The following NAF1 variants were observed in gnomAD, a reference collection of about 807,000 sequenced individuals.
NAF1 encodes nuclear assembly factor 1 ribonucleoprotein.
NAF1 carries 11 observed loss-of-function variants against 40.6 expected under a neutral mutation model. The observed-to-expected ratio is 0.27, with a 90% CI of 0.17 to 0.45. NAF1 has a LOEUF of 0.45. Ranked by LOEUF, NAF1 falls within the 20% of genes least tolerant of loss-of-function variation. NAF1 has a pLI of 1.00. For synonymous variants in NAF1, 260 were observed against 228.5 expected (o/e 1.14, Z -1.24); for missense variants, 607 against 611.1 (o/e 0.99, Z 0.07).
rs1730751955 is a variant in NAF1, at chr4:163,128,920, A to G, written c.1462T>C (p.Ser488Pro). Residue 488 changes from serine to proline, a missense_variant, in exon 8 of 8, where the codon TCT (serine) becomes CCT (proline). Around this residue, in one of 3 missense-constraint regions of NAF1, gnomAD observed 189 missense variants for 216.6 expected, o/e 0.87. Transcript: ENST00000274054. ...ACCTAATAGTAAGGTCCAAAATGAG[A>G]ATTACTATCTCCAGAAGAGGGTGGA... ...PPPPSSGDSNSHFGPYY is the reference protein window; with the variant it reads ...PPPPSSGDSNPHFGPYY The G allele has an allele frequency of 1.3e-6, 2 of 1,505,038 alleles. No individual in the cohort carries two copies. The highest frequency in any genetic ancestry group is 1.8e-6 in the Non-Finnish European group (2 of 1,118,822). The allele number at this position is 1,505,038 out of a possible 1,614,324, so 93.2% of individuals were successfully genotyped here.
chr4:163,114,206 G>C (rs1730255044), intron 2 of NAF1, among the ~76,000 whole-genome samples: 1 of 152,200 alleles, frequency 6.6e-6, no homozygotes, highest in African/African-American at 2.4e-5. Flanking sequence ...CCACAGAGGG[G>C]ATTTGTGGAG....
At chr4:163,106,266 T>A (rs530455710), downstream of NAF1, among the ~76,000 whole-genome samples, 2 of 152,180 alleles carry the variant, frequency 1.3e-5, no homozygotes, top group Non-Finnish European at 2.9e-5. Context: ...AATTTGATTT[T>A]GTAAATTAAA....
intron 2 of NAF1, among the ~76,000 whole-genome samples, chr4:163,158,607 T>G (rs1732086643): frequency 6.6e-6 from 1 of 151,208 alleles, no homozygotes. Context: ...ATGAATACAT[T>G]ATTATCCTGT....
At chr4:163,104,783 C>A in the NAF1 span, among the ~76,000 whole-genome samples, 46 of 152,324 alleles carry the variant, frequency 3.0e-4, no homozygotes, top group Non-Finnish European at 5.9e-4. Flanking sequence ...AATCTTTCCA[C>A]TTTCAATGTT....
At chr4:163,153,390 T>C (rs901469425) in intron 2 of NAF1, among the ~76,000 whole-genome samples, 24 of 152,326 alleles carry the variant, frequency 1.6e-4, no homozygotes, top group African/African-American at 5.8e-4. Flanking sequence ...ACCCTGTGTT[T>C]AGCTCAAGGT....
At chr4:163,163,198 A>G (rs996207123) in intron 2 of NAF1, among the ~76,000 whole-genome samples, 3 of 152,182 alleles carry the variant, frequency 2.0e-5, no homozygotes, top group East Asian at 3.9e-4. Context: ...AAATATTAAC[A>G]TATCTGTAGC....
chr4:163,115,375 A>AT (rs1367135086), intron 2 of NAF1, among the ~76,000 whole-genome samples: 1 of 151,554 alleles, frequency 6.6e-6, no homozygotes, highest in Admixed American at 6.6e-5. Flanking sequence ...CGCCAGGCTA[A>AT]TTTTTTGTAT....
chr4:163,149,233 TCTAA>T (rs1247833720), intron 2 of NAF1, among the ~76,000 whole-genome samples: 2 of 152,140 alleles, frequency 1.3e-5, no homozygotes, highest in Non-Finnish European at 2.9e-5. Flanking sequence ...TGCCAAATGA[TCTAA>T]CTCTCAGAAG....
downstream of NAF1, among the ~76,000 whole-genome samples, chr4:163,123,274 C>G (rs1002163399): frequency 6.6e-6 from 1 of 152,176 alleles, no homozygotes; most frequent in Non-Finnish European, 1.5e-5. Context: ...ATGGGGACAG[C>G]ACCAAACCAT....
At chr4:163,155,969 A>ACCT (rs1268470850) in intron 2 of NAF1, among the ~76,000 whole-genome samples, 1 of 134,836 alleles carries the variant, frequency 7.4e-6, no homozygotes, top group Non-Finnish European at 1.6e-5. Context: ...GGATAGAAAG[A>ACCT]CCTTCTTCAT....
chr4:163,111,701 G>C (rs956234984), intron 2 of NAF1, among the ~76,000 whole-genome samples: 2 of 152,260 alleles, frequency 1.3e-5, no homozygotes, highest in Middle Eastern at 6.8e-3. Context: ...AGGGAAAAGA[G>C]AATCAATTAG....
intron 2 of NAF1, among the ~76,000 whole-genome samples, chr4:163,118,590 T>A (rs1730421347): frequency 6.6e-6 from 1 of 152,024 alleles, no homozygotes; most frequent in East Asian, 1.9e-4. Context: ...CCGTCTCTAC[T>A]AAAAACACAA....
intron 4 of NAF1, among the ~76,000 whole-genome samples, chr4:163,145,516 G>GC (rs1731429976): frequency 6.6e-6 from 1 of 152,166 alleles, no homozygotes; most frequent in Non-Finnish European, 1.5e-5. Flanking sequence ...TAGACTCACT[G>GC]CCTAGCAAGT....
chr4:163,131,912 G>A (rs1730889652), intron 7 of NAF1, among the ~76,000 whole-genome samples: 1 of 152,148 alleles, frequency 6.6e-6, no homozygotes, highest in Admixed American at 6.5e-5. Flanking sequence ...AAAAGATAAT[G>A]AACTGACATA....
intron 2 of NAF1, among the ~76,000 whole-genome samples, chr4:163,119,146 A>G (rs1163564433): frequency 6.6e-6 from 1 of 152,076 alleles, no homozygotes; most frequent in East Asian, 1.9e-4. Context: ...TCTACATTCC[A>G]TTTGTATCTT....
chr4:163,147,877 A>G (rs1731535897), intron 3 of NAF1, among the ~76,000 whole-genome samples: 1 of 152,214 alleles, frequency 6.6e-6, no homozygotes, highest in Non-Finnish European at 1.5e-5. Flanking sequence ...GGATGAAGAA[A>G]GAGAGCCAAA....
intron 2 of NAF1, among the ~76,000 whole-genome samples, chr4:163,117,713 ACACACG>A (rs1005687999): frequency 4.0e-5 from 6 of 151,358 alleles, no homozygotes; most frequent in African/African-American, 1.5e-4. Context: ...ACACACACAC[ACACACG>A]CATGAATACA....
At chr4:163,141,587 T>C (rs928341237) in intron 4 of NAF1, among the ~76,000 whole-genome samples, 3 of 152,180 alleles carry the variant, frequency 2.0e-5, no homozygotes, top group Non-Finnish European at 4.4e-5. Context: ...TCTTTCTTAT[T>C]GTAGGACATT....
Position 163,148,390 on chromosome 4 carries a change from A to C in NAF1, c.585T>G (p.Asp195Glu), listed in dbSNP as rs767998228. 6.3e-7 allele frequency: 1 copy of C among 1,583,078 alleles called. No individual in the cohort carries two copies. The highest frequency in any genetic ancestry group is 1.9e-5 in the Admixed American group (1 of 51,428). ...CCATCCCAAGAGGCTTTAACTCAAT[A>C]TCTTCAGGCAGAATAATAGTGAGTT... ...VEELTIILPE[D>E]IELKPLGMVS... The change falls in exon 3 of 8, where the codon GAT becomes GAG. Residue 195 changes from aspartate (D) to glutamate (E), a missense_variant. Asp to Glu is a conservative substitution (Grantham distance 45). This residue lies in a region of NAF1 where 407 missense variants were observed against 365.5 expected (regional missense o/e 1.11). Transcript: ENST00000274054.
Sources: allele counts gnomAD v4.1 joint callset (sites outside exome capture counted in the v4.1 genomes callset), GRCh38; gene constraint gnomAD v4.1.1; regional missense constraint gnomAD v4.1.1; transcripts MANE v1.5; gene names NCBI Gene and HGNC (gene_info 2026-07-23, HGNC 2026-07-21).